SAMMSON: variants seen among roughly 807,000 people sequenced by gnomAD.
SAMMSON encodes the protein long intergenic non-protein coding RNA 1212.
rs529690018 is a variant in SAMMSON, at chr3:70,058,007, T to C, written n.418-13469T>C. ...AAGTATTTGTTGAGTGAATGAAATA[T>C]ACCTATTAACAAAAAAGGTTTTGGG... On this transcript the variant is annotated intron_variant and non_coding_transcript_variant, in intron 3 of 9. Coordinates refer to ENST00000642114, the Ensembl canonical transcript of SAMMSON. Among the ~76,000 whole-genome samples, 4 of 152,230 alleles carry C rather than the reference T, an allele frequency of 2.6e-5. No individual in the cohort carries two copies. In the South Asian group the frequency reaches 8.3e-4, roughly 32 times the overall value.
chr3:70,360,433 C>T lies in SAMMSON; in HGVS notation n.913+2109C>T, dbSNP rs912060586. On this transcript the variant is annotated intron_variant and non_coding_transcript_variant, in intron 9 of 9. Transcript: ENST00000642114. ...TAACTATACAAGTAAGTCACTTTTC[C>T]TATTGTAAAAATGACTGTTATATGT... 3.0e-4 allele frequency among the ~76,000 whole-genome samples: 45 copies of T among 152,084 alleles called. 3 individuals are homozygous for T. The highest frequency in any genetic ancestry group is 1.3e-4 in the Non-Finnish European group (9 of 68,012).
At chr3:70,174,493 A>T (rs945072274) in intron 4 of SAMMSON, among the ~76,000 whole-genome samples, 11 of 152,018 alleles carry the variant, frequency 7.2e-5, no homozygotes, top group African/African-American at 2.4e-4. Flanking sequence ...GGCATAACGT[A>T]GAGATAAAGA....
chr3:70,424,430 T>A (rs529539868), intron 2 of SAMMSON, among the ~76,000 whole-genome samples: 2 of 152,274 alleles, frequency 1.3e-5, no homozygotes, highest in South Asian at 4.1e-4. Flanking sequence ...TTTTTACACA[T>A]TTTTTCAAAT....
intron 4 of SAMMSON, among the ~76,000 whole-genome samples, chr3:70,078,879 G>A (rs1010235666): frequency 6.6e-6 from 1 of 152,144 alleles, no homozygotes; most frequent in Non-Finnish European, 1.5e-5. Flanking sequence ...AATAGCAGAT[G>A]TTATTTATTT....
chr3:70,045,439 A>G (rs1350697898), intron 3 of SAMMSON, among the ~76,000 whole-genome samples: 1 of 151,674 alleles, frequency 6.6e-6, no homozygotes, highest in Non-Finnish European at 1.5e-5. Context: ...AAAAGCTTCC[A>G]ATTCACTAGA....
intron 4 of SAMMSON, among the ~76,000 whole-genome samples, chr3:70,201,071 T>C (rs1701233074): frequency 6.6e-6 from 1 of 152,140 alleles, no homozygotes; most frequent in Non-Finnish European, 1.5e-5. Context: ...TTTATTAAGT[T>C]CAGGGGTCAT....
chr3:70,013,217 T>C (rs2066965824), intron 2 of SAMMSON, among the ~76,000 whole-genome samples: 1 of 152,302 alleles, frequency 6.6e-6, no homozygotes, highest in African/African-American at 2.4e-5. Context: ...AGGTTTTGAC[T>C]CTGGCTTTGT....
chr3:70,040,507 A>G (rs1467205252), intron 3 of SAMMSON, among the ~76,000 whole-genome samples: 1 of 152,170 alleles, frequency 6.6e-6, no homozygotes, highest in Non-Finnish European at 1.5e-5. Flanking sequence ...GATACTGTTC[A>G]GCTTCTGATA....
chr3:70,366,715 T>C (rs991651630), intron 9 of SAMMSON, among the ~76,000 whole-genome samples: 1 of 151,704 alleles, frequency 6.6e-6, no homozygotes, highest in Non-Finnish European at 1.5e-5. Flanking sequence ...CTGAATCATA[T>C]GGTAAGACTG....
chr3:70,273,899 C>A (rs967681292), intron 6 of SAMMSON, among the ~76,000 whole-genome samples: 3 of 152,100 alleles, frequency 2.0e-5, no homozygotes, highest in African/African-American at 4.8e-5. Context: ...AACTCCTAGG[C>A]TCAAGTCATT....
intron 9 of SAMMSON, among the ~76,000 whole-genome samples, chr3:70,365,217 T>C (rs568394456): frequency 3.9e-4 from 59 of 151,822 alleles, no homozygotes; most frequent in Non-Finnish European, 7.8e-4. Flanking sequence ...CTGAGTCCTG[T>C]TTCTCCAGGG....
At chr3:70,026,949 A>G (rs1341620006) in intron 3 of SAMMSON, among the ~76,000 whole-genome samples, 1 of 152,164 alleles carries the variant, frequency 6.6e-6, no homozygotes, top group Non-Finnish European at 1.5e-5. Flanking sequence ...TCATTTTAGC[A>G]CTGACTCCTG....
At chr3:70,379,282 T>C (rs1218089614) in intron 9 of SAMMSON, among the ~76,000 whole-genome samples, 1 of 152,138 alleles carries the variant, frequency 6.6e-6, no homozygotes, top group Non-Finnish European at 1.5e-5. Flanking sequence ...GAAGTGTACT[T>C]ACACTTTTAA....
intron 4 of SAMMSON, among the ~76,000 whole-genome samples, chr3:70,194,057 G>A (rs543795160): frequency 1.3e-5 from 2 of 152,278 alleles, no homozygotes; most frequent in African/African-American, 4.8e-5. Context: ...CAAGTCAAAC[G>A]TAACTTCGTA....
intron 1 of SAMMSON, among the ~76,000 whole-genome samples, chr3:70,006,686 T>C (rs2066927965): frequency 6.6e-6 from 1 of 152,068 alleles, no homozygotes; most frequent in Non-Finnish European, 1.5e-5. Flanking sequence ...ACTTTAAGTT[T>C]TAGGGTACAT....
chr3:70,240,947 G>A (rs1701661857), intron 4 of SAMMSON, among the ~76,000 whole-genome samples: 1 of 152,144 alleles, frequency 6.6e-6, no homozygotes, highest in African/African-American at 2.4e-5. Flanking sequence ...TTTGATAAAT[G>A]AGCCAAGTTA....
intron 9 of SAMMSON, among the ~76,000 whole-genome samples, chr3:70,367,843 C>G (rs764501355): frequency 1.3e-5 from 2 of 151,594 alleles, no homozygotes; most frequent in Non-Finnish European, 3.0e-5. Context: ...TTCCCACTAA[C>G]AGTGTACTAG....
At chr3:70,012,826 TACC>T (rs758479978) in intron 2 of SAMMSON, among the ~76,000 whole-genome samples, 3 of 152,088 alleles carry the variant, frequency 2.0e-5, no homozygotes, top group Non-Finnish European at 4.4e-5. Flanking sequence ...TTCTGTTTCT[TACC>T]TTTGGTTGTC....
At chr3:70,370,678 TA>T (rs1262484813) in intron 9 of SAMMSON, among the ~76,000 whole-genome samples, 1 of 152,064 alleles carries the variant, frequency 6.6e-6, no homozygotes, top group Non-Finnish European at 1.5e-5. Flanking sequence ...TGCTTTTTCT[TA>T]TTGGGTTGTT....
Sources: gnomAD v4.1 joint callset for allele counts (sites outside exome capture counted in the v4.1 genomes callset) on GRCh38, gnomAD v4.1.1 for gene constraint, MANE v1.5 for transcripts, NCBI Gene and HGNC (gene_info 2026-07-23, HGNC 2026-07-21) for gene names.